AHCYL2: variants seen among roughly 807,000 people sequenced by gnomAD.
The protein encoded by AHCYL2 is adenosylhomocysteinase like 2, also known as S-adenosylhomocysteine hydrolase-like protein 2.
A neutral mutation model predicts 81.4 loss-of-function variants in AHCYL2; 28 were observed. That is an observed-to-expected ratio of 0.34 (90% CI 0.25 to 0.47). The LOEUF is 0.47. Ranked by LOEUF, AHCYL2 falls within the 20% of genes least tolerant of loss-of-function variation. AHCYL2 has a pLI of 1.00. For missense variants in AHCYL2, 551 were observed against 785.1 expected (o/e 0.70, Z 3.56); for synonymous variants, 272 against 290.2 (o/e 0.94, Z 0.64).
chr7:129,291,941 GT>G (rs974200047), intron 1 of AHCYL2, among the ~76,000 whole-genome samples: 12 of 150,958 alleles, frequency 7.9e-5, no homozygotes, highest in African/African-American at 2.2e-4. Flanking sequence ...ATATGGCTAA[GT>G]TTTTTTTTAA....
rs897646914 is a variant in AHCYL2 at position 129,241,614 on chromosome 7, T to C, written c.363+16175T>C. Among the ~76,000 whole-genome samples the C allele has an allele frequency of 2.0e-5, 3 of 151,964 alleles. 1 individual carries two copies. Among genetic ancestry groups the C allele is most frequent in the African/African-American group, 7.3e-5 (3 of 41,378 alleles). ...TCAAAAAAAATAAAATAAAATAAAATTTCATTTCAAATAGATGGAAGAGTC... is the reference window on the plus strand; with the variant it reads ...TCAAAAAAAATAAAATAAAATAAAACTTCATTTCAAATAGATGGAAGAGTC... On this transcript the variant is annotated intron_variant, in intron 1 of 16. Coordinates refer to ENST00000325006, the MANE Select transcript of AHCYL2 (RefSeq NM_015328.4).
chr7:129,311,223 TGAAAA>T (rs778069309), intron 1 of AHCYL2, among the ~76,000 whole-genome samples: 17 of 152,144 alleles, frequency 1.1e-4, no homozygotes, highest in Non-Finnish European at 1.9e-4. Context: ...CTGAAGTCCT[TGAAAA>T]GAAAGAAAGG....
chr7:129,385,568 T>C (rs1795163913), intron 2 of AHCYL2, among the ~76,000 whole-genome samples: 1 of 152,246 alleles, frequency 6.6e-6, no homozygotes, highest in African/African-American at 2.4e-5. Flanking sequence ...TTGTACTTCA[T>C]ACTACTTTTC....
At chr7:129,359,520 A>T (rs1218214587) in intron 1 of AHCYL2, among the ~76,000 whole-genome samples, 2 of 152,232 alleles carry the variant, frequency 1.3e-5, no homozygotes, top group African/African-American at 4.8e-5. Context: ...AGTTTATTTT[A>T]AAAAAGAATA....
chr7:129,281,073 C>G (rs1796425597), intron 1 of AHCYL2, among the ~76,000 whole-genome samples: 1 of 151,952 alleles, frequency 6.6e-6, no homozygotes, highest in African/African-American at 2.4e-5. Context: ...CCATGTTAGC[C>G]AGGATGGTCT....
chr7:129,320,579 T>A (rs1008804911), intron 1 of AHCYL2, among the ~76,000 whole-genome samples: 1 of 152,202 alleles, frequency 6.6e-6, no homozygotes, highest in Admixed American at 6.5e-5. Flanking sequence ...CCCAAAGTCT[T>A]GGGATTACAG....
intron 1 of AHCYL2, among the ~76,000 whole-genome samples, chr7:129,277,670 G>A (rs1796272887): frequency 6.6e-6 from 1 of 152,138 alleles, no homozygotes; most frequent in Non-Finnish European, 1.5e-5. Flanking sequence ...GCTTTTAAGT[G>A]GAATCAAGTA....
chr7:129,406,155 C>T lies in AHCYL2; in HGVS notation c.1207-223C>T, dbSNP rs971251679. ...TTTAGCTTGTGTTTTAATTATGAAT[C>T]GTGAGTGTGGGTGTTCTTGTGCACA... On this transcript the variant is annotated intron_variant, in intron 9 of 16. Transcript: ENST00000325006. This position sits in a 1 kb window ranked among gnomAD's most constrained non-coding sequence, Gnocchi z 4.3. Among the ~76,000 whole-genome samples the T allele has an allele frequency of 3.9e-5, 6 of 152,146 alleles. 1 individual carries two copies. The highest frequency in any genetic ancestry group is 7.2e-5 in the African/African-American group (3 of 41,488).
intron 12 of AHCYL2, among the ~76,000 whole-genome samples, 170 bp downstream of exon 12, chr7:129,413,858 GT>G (rs1164011403): frequency 6.6e-6 from 1 of 152,132 alleles, no homozygotes; most frequent in Non-Finnish European, 1.5e-5. Flanking sequence ...AGACTATAAA[GT>G]TTCTTCATCT....
At position 129,418,068 on chromosome 7, in the gene AHCYL2, C is replaced by T. The variant is rs149867269; in HGVS notation, c.1461+4380C>T. On this transcript the variant is annotated intron_variant, in intron 12 of 16. Coordinates refer to ENST00000325006, the MANE Select transcript of AHCYL2 (RefSeq NM_015328.4). Reference sequence around the variant, plus strand: ...TCAGAGAGAATGGCAGGTAAAAGACCCTGAGGGAGACACCTGCTTGATGTG... The same window carrying T: ...TCAGAGAGAATGGCAGGTAAAAGACTCTGAGGGAGACACCTGCTTGATGTG... 4.7e-3 allele frequency among the ~76,000 whole-genome samples: 711 copies of T among 152,104 alleles called. 6 individuals are homozygous for T. Among genetic ancestry groups the T allele is most frequent in the African/African-American group, 0.017 (686 of 41,492 alleles).
At chr7:129,266,407 A>G (rs1795813128) in intron 1 of AHCYL2, among the ~76,000 whole-genome samples, 2 of 152,186 alleles carry the variant, frequency 1.3e-5, no homozygotes. Context: ...CACGCCTGTA[A>G]TCCCAGTTAC....
intron 1 of AHCYL2, among the ~76,000 whole-genome samples, chr7:129,293,150 T>G (rs200510198): frequency 1.2e-5 from 1 of 81,380 alleles, no homozygotes; most frequent in Non-Finnish European, 3.5e-5. Context: ...AGTTTTTGGG[T>G]TTTTTTTTTG....
At chr7:129,400,239 G>T (rs943709330) in intron 5 of AHCYL2, 51 bp from the exon 6 acceptor site, 1 of 1,530,998 alleles carries the variant, frequency 6.5e-7, no homozygotes, top group African/African-American at 1.4e-5. Flanking sequence ...AAATTAGGGG[G>T]TCAGCCTTTT....
At chr7:129,382,606 TA>T (rs201136983) in intron 2 of AHCYL2, among the ~76,000 whole-genome samples, 4 of 148,514 alleles carry the variant, frequency 2.7e-5, no homozygotes, top group Non-Finnish European at 4.5e-5. Context: ...TTTTATTTAA[TA>T]AAAAAAAATA....
At chr7:129,380,324 G>A (rs1019368271) in intron 2 of AHCYL2, among the ~76,000 whole-genome samples, 8 of 152,172 alleles carry the variant, frequency 5.3e-5, no homozygotes, top group Non-Finnish European at 1.0e-4. Flanking sequence ...CAGGTGAGCT[G>A]TTACTGTGTA....
chr7:129,283,303 A>C, intron 1 of AHCYL2: 1 of 453,990 alleles, frequency 2.2e-6, no homozygotes, highest in Admixed American at 2.4e-5. Context: ...CATTCACAGA[A>C]CTTACTTCAC....
At chr7:129,403,787 G>A (rs1796150428) in intron 7 of AHCYL2, among the ~76,000 whole-genome samples, 1 of 149,784 alleles carries the variant, frequency 6.7e-6, no homozygotes, top group South Asian at 2.1e-4. Flanking sequence ...CATGAACCCA[G>A]GAGGCGGAGC....
At chr7:129,325,834 TA>T (rs1423431244) in intron 1 of AHCYL2, among the ~76,000 whole-genome samples, 1 of 151,996 alleles carries the variant, frequency 6.6e-6, no homozygotes, top group Non-Finnish European at 1.5e-5. Context: ...GCCTCCCGAA[TA>T]GCTGGGACTA....
intron 1 of AHCYL2, among the ~76,000 whole-genome samples, chr7:129,302,231 G>A (rs1421296234): frequency 1.3e-5 from 2 of 152,036 alleles, no homozygotes; most frequent in Non-Finnish European, 2.9e-5. Flanking sequence ...TGATTTTACT[G>A]AATTTGCTTA....
Sources: allele counts gnomAD v4.1 joint callset (sites outside exome capture counted in the v4.1 genomes callset), GRCh38; gene constraint gnomAD v4.1.1; non-coding constraint Gnocchi (gnomAD v3.1); transcripts MANE v1.5; gene names NCBI Gene and HGNC (gene_info 2026-07-23, HGNC 2026-07-21).